SNX7: variants seen among roughly 807,000 people sequenced by gnomAD.
SNX7 encodes sorting nexin-7.
In SNX7, 35 loss-of-function variants were observed where a neutral mutation model predicts 48.4. The ratio of observed to expected loss-of-function variants is 0.72; its 90% CI spans 0.55 to 0.96. The LOEUF (loss-of-function observed/expected upper bound fraction) is 0.96. Among genes scored for constraint, SNX7 ranks in the 40% least tolerant of loss-of-function variants. The pLI is 0.00. For synonymous variants in SNX7, 190 were observed against 190.2 expected (o/e 1.00, Z 0.01); for missense variants, 553 against 548.9 (o/e 1.01, Z -0.07).
At chr1:98,677,160 TGTTA>T (rs1399227094) in intron 1 of SNX7, 2 of 152,182 alleles carry the variant, frequency 1.3e-5, no homozygotes, top group Non-Finnish European at 2.9e-5. Context: ...CTATTGAGAG[TGTTA>T]GTTTTATCTT....
intron 2 of SNX7, among the ~76,000 whole-genome samples, chr1:98,685,968 A>G (rs1161136312): frequency 6.6e-6 from 1 of 152,100 alleles, no homozygotes; most frequent in African/African-American, 2.4e-5. Flanking sequence ...CCCACTTACC[A>G]TATAAGACTT....
At chr1:98,670,870 TTTTA>T (rs71075409) in intron 1 of SNX7, among the ~76,000 whole-genome samples, 2,506 of 151,084 alleles carry the variant, frequency 0.017, 50 homozygotes, top group African/African-American at 0.053. Context: ...AGACAGTGAG[TTTTA>T]TTTATTTATT....
intron 8 of SNX7, among the ~76,000 whole-genome samples, chr1:98,746,881 G>T (rs562232626): frequency 2.0e-5 from 3 of 152,048 alleles, no homozygotes; most frequent in African/African-American, 4.8e-5. Flanking sequence ...CTTTCTGCAG[G>T]AATCTTTATA....
At chr1:98,684,431 G>GGTGT (rs1327379030) in intron 1 of SNX7, among the ~76,000 whole-genome samples, 1 of 152,134 alleles carries the variant, frequency 6.6e-6, no homozygotes, top group Non-Finnish European at 1.5e-5. Flanking sequence ...GCTTCAAGAT[G>GGTGT]GTGTGTGTCT....
intron 6 of SNX7, 32 bp downstream of exon 6, chr1:98,698,937 T>C: frequency 1.3e-6 from 2 of 1,593,744 alleles, no homozygotes; most frequent in South Asian, 2.2e-5. Flanking sequence ...TTTACCTCAG[T>C]CCCTTACCTG....
chr1:98,713,387 T>C (rs1652423540), intron 7 of SNX7, among the ~76,000 whole-genome samples: 1 of 152,156 alleles, frequency 6.6e-6, no homozygotes, highest in South Asian at 2.1e-4. Flanking sequence ...TAAGGGAATG[T>C]TATGGCTGGT....
At chr1:98,704,024 G>A (rs1651890135) in intron 7 of SNX7, among the ~76,000 whole-genome samples, 1 of 151,118 alleles carries the variant, frequency 6.6e-6, no homozygotes, top group Non-Finnish European at 1.5e-5. Flanking sequence ...AAAGCACAAG[G>A]AAAAAAATAG....
rs141251602 is a variant in SNX7, at chr1:98,699,627, G to A, written c.1038+722G>A. Among the ~76,000 whole-genome samples the A allele has an allele frequency of 2.0e-4, 30 of 152,158 alleles. 1 individual carries two copies. In the East Asian group the frequency reaches 3.9e-3, roughly 20 times the overall value. On this transcript the variant is annotated intron_variant, in intron 6 of 8. Transcript: ENST00000306121. ...CATTCAGATACAGCTCCTTTTTTCC[G>A]TTCTTTATAATTGGAACCATGGTTT...
At chr1:98,682,617 G>C (rs1221647543) in intron 1 of SNX7, among the ~76,000 whole-genome samples, 5 of 152,128 alleles carry the variant, frequency 3.3e-5, no homozygotes, top group Non-Finnish European at 7.4e-5. Flanking sequence ...GTAGTTTCCA[G>C]CATCACCATT....
chr1:98,681,774 A>G (rs1402672607), intron 1 of SNX7, among the ~76,000 whole-genome samples: 1 of 152,212 alleles, frequency 6.6e-6, no homozygotes, highest in Non-Finnish European at 1.5e-5. Context: ...GAGAAATTCA[A>G]AAGGGTCTGT....
intron 4 of SNX7, among the ~76,000 whole-genome samples, chr1:98,692,899 T>C (rs1243007833): frequency 1.3e-5 from 2 of 152,218 alleles, no homozygotes; most frequent in East Asian, 1.9e-4. Context: ...TAGTAAATGA[T>C]AGACTAGTAT....
At chr1:98,693,537 A>G (rs999422489) in intron 4 of SNX7, among the ~76,000 whole-genome samples, 2 of 152,216 alleles carry the variant, frequency 1.3e-5, no homozygotes, top group African/African-American at 2.4e-5. Context: ...GCTGTTAGAA[A>G]TATTTTCTAC....
Position 98,681,291 on chromosome 1 carries a change from G to A in SNX7, c.181-3594G>A, listed in dbSNP as rs1448758240. Among the ~76,000 whole-genome samples, 4 of 152,128 alleles carry A rather than the reference G, an allele frequency of 2.6e-5. No homozygotes were observed. The South Asian group carries it at 6.2e-4, about 24-fold the overall frequency. On this transcript the variant is annotated intron_variant, in intron 1 of 8. Coordinates refer to ENST00000306121, the MANE Select transcript of SNX7 (RefSeq NM_015976.5). ...CCACCAGTTTCCTCCCATGACACAT[G>A]GGAATCGTGGGAGTTACAATTCAAG...
intron 5 of SNX7, among the ~76,000 whole-genome samples, chr1:98,696,726 T>A (rs1651477795): frequency 6.6e-6 from 1 of 151,570 alleles, no homozygotes; most frequent in Non-Finnish European, 1.5e-5. Flanking sequence ...CATTTATTAT[T>A]TGTCTTTTTT....
intron 2 of SNX7, among the ~76,000 whole-genome samples, chr1:98,690,176 T>G (rs923276516): frequency 6.6e-6 from 1 of 152,180 alleles, no homozygotes; most frequent in Non-Finnish European, 1.5e-5. Context: ...CCATGTTTAC[T>G]TCTGCAGGAA....
intron 1 of SNX7, among the ~76,000 whole-genome samples, chr1:98,671,469 T>A (rs1432727830): frequency 3.3e-5 from 5 of 152,084 alleles, no homozygotes; most frequent in South Asian, 2.1e-4. Flanking sequence ...AATGGAAAAA[T>A]TTTATTATTT....
intron 7 of SNX7, among the ~76,000 whole-genome samples, chr1:98,721,515 A>T (rs961769206): frequency 6.6e-6 from 1 of 152,092 alleles, no homozygotes; most frequent in African/African-American, 2.4e-5. Flanking sequence ...TAGGTTCTAG[A>T]TCAAAGTTTC....
intron 8 of SNX7, among the ~76,000 whole-genome samples, chr1:98,747,981 T>TG (rs1654386863): frequency 6.7e-6 from 1 of 148,710 alleles, no homozygotes; most frequent in African/African-American, 2.5e-5. Flanking sequence ...GTTTTTACTT[T>TG]TTTTTTTTTT....
chr1:98,728,259 A>T (rs529478172), intron 7 of SNX7, among the ~76,000 whole-genome samples: 3 of 152,192 alleles, frequency 2.0e-5, no homozygotes, highest in Non-Finnish European at 2.9e-5. Flanking sequence ...ATAATTTCCA[A>T]CCCAGAATCT....
Sources: gnomAD v4.1 joint callset for allele counts (sites outside exome capture counted in the v4.1 genomes callset) on GRCh38, gnomAD v4.1.1 for gene constraint, MANE v1.5 for transcripts, NCBI Gene and HGNC (gene_info 2026-07-23, HGNC 2026-07-21) for gene names.